BID: variants seen among roughly 807,000 people sequenced by gnomAD.
The protein encoded by BID is BH3-interacting domain death agonist.
A neutral mutation model predicts 17.4 loss-of-function variants in BID; 19 were observed. The ratio of observed to expected loss-of-function variants is 1.09; its 90% CI spans 0.76 to 1.60. BID has a LOEUF of 1.60. Among genes scored for constraint, BID ranks in the 40% most tolerant of loss-of-function variants. BID has a pLI of 0.00. For missense variants in BID, 226 were observed against 256.0 expected, an observed-to-expected ratio of 0.88 and a Z score of 0.80; for synonymous variants, 108 against 102.8, an observed-to-expected ratio of 1.05 and a Z score of -0.31.
chr22:17,747,069 G>C (rs1332097417), intron 2 of BID, among the ~76,000 whole-genome samples: 2 of 152,172 alleles, frequency 1.3e-5, no homozygotes, highest in Non-Finnish European at 2.9e-5. Context: ...AAAGACTCGA[G>C]GCGGCAGGGA....
chr22:17,764,134 A>G (rs1569052609), intron 1 of BID: 3 of 154,590 alleles, frequency 1.9e-5, no homozygotes, highest in Non-Finnish European at 4.4e-5. Context: ...TGGGAAAGCC[A>G]GCGGACCATG....
intron 5 of BID, among the ~76,000 whole-genome samples, chr22:17,736,895 C>G (rs1266668967): frequency 6.6e-6 from 1 of 152,094 alleles, no homozygotes; most frequent in Non-Finnish European, 1.5e-5. Context: ...CCTCTGCCAC[C>G]AGGGTTCAAG....
chr22:17,773,509 G>A lies in BID; in HGVS notation c.-59+872C>T. The A allele has an allele frequency of 8.2e-7, 1 of 1,225,646 alleles. No homozygotes were observed. The allele number at this position is 1,225,646 out of a possible 1,614,324, so 75.9% of individuals were successfully genotyped here. On this transcript the variant is annotated intron_variant, in intron 1 of 5. Transcript: ENST00000622694. This position sits in a 1 kb window ranked among gnomAD's most constrained non-coding sequence, Gnocchi z 4.4. The stretch of plus-strand genomic sequence containing the variant: ...AAGGGGGTGCAAGCCTGAGAAGGTG[G>A]AAGAGCTCTGGGTGGGTCCATCTGC...
chr22:17,735,199 G>GTAA lies in BID; in HGVS notation c.*378_*380dup, dbSNP rs1481066748. 2 of 223,126 alleles carry GTAA rather than the reference G, an allele frequency of 9.0e-6. No homozygotes were observed. Among genetic ancestry groups the GTAA allele is most frequent in the African/African-American group, 2.3e-5 (1 of 42,802 alleles). 13.8% of individuals were successfully genotyped at this position (223,126 alleles called of 1,614,324 possible). ...CTCTATGGTTGTACTTTAATAAACAGTAATTTTTTTTTACCAAAAAAATTG... is the reference window on the plus strand; with the variant it reads ...CTCTATGGTTGTACTTTAATAAACAGTAATAATTTTTTTTTACCAAAAAAATTG... On this transcript the variant is annotated 3_prime_UTR_variant, in exon 6 of 6. Transcript: ENST00000622694.
intron 2 of BID, among the ~76,000 whole-genome samples, chr22:17,748,563 G>A (rs979515873): frequency 7.2e-5 from 11 of 152,110 alleles, no homozygotes; most frequent in Admixed American, 2.0e-4. Flanking sequence ...AGTTATGATG[G>A]GAAAAAAGGC....
intron 2 of BID, among the ~76,000 whole-genome samples, chr22:17,745,382 A>G (rs1441262721): frequency 6.6e-6 from 1 of 152,098 alleles, no homozygotes. Context: ...AATTGTTTTA[A>G]TGCTTTGCTA....
intron 1 of BID, among the ~76,000 whole-genome samples, chr22:17,757,402 C>CCAA (rs2061599425): frequency 3.3e-5 from 2 of 61,046 alleles, no homozygotes; most frequent in Non-Finnish European, 5.4e-5. Context: ...GACCCTGTCC[C>CCAA]AAAAAAAAAA....
chr22:17,749,385 A>C (rs1409733525), intron 2 of BID, among the ~76,000 whole-genome samples: 1 of 152,202 alleles, frequency 6.6e-6, no homozygotes, highest in Non-Finnish European at 1.5e-5. Context: ...TATGTTGCCC[A>C]GGTTTGTCTC....
At chr22:17,764,713 C>CTT (rs1398323711) in intron 1 of BID, among the ~76,000 whole-genome samples, 11 of 152,170 alleles carry the variant, frequency 7.2e-5, no homozygotes, top group Non-Finnish European at 1.3e-4. Context: ...CAAAGGGGTA[C>CTT]AGTGACCCAG....
chr22:17,763,168 C>T (rs1175109277), intron 1 of BID, among the ~76,000 whole-genome samples: 1 of 151,900 alleles, frequency 6.6e-6, no homozygotes, highest in African/African-American at 2.4e-5. Flanking sequence ...TGAGAAACTT[C>T]GCCTGGCCAC....
intron 1 of BID, among the ~76,000 whole-genome samples, 157 bp downstream of exon 1, chr22:17,774,224 C>T (rs1390717679): frequency 6.6e-6 from 1 of 151,338 alleles, no homozygotes; most frequent in Non-Finnish European, 1.5e-5. Flanking sequence ...CTGCTGAGGC[C>T]TGGGGCTCTG....
chr22:17,753,768 T>C (rs895264957), intron 1 of BID, among the ~76,000 whole-genome samples: 1 of 152,234 alleles, frequency 6.6e-6, no homozygotes, highest in South Asian at 2.1e-4. Context: ...GCCAGGCAGA[T>C]GGGAAACGGG....
chr22:17,747,087 G>A (rs1350952077), intron 2 of BID, among the ~76,000 whole-genome samples: 7 of 152,272 alleles, frequency 4.6e-5, no homozygotes, highest in Admixed American at 4.6e-4. Context: ...GGAGGGAGAG[G>A]AAAGAATGGC....
rs574810666 is a variant in BID at position 17,772,992 on chromosome 22, C to T, written c.-59+1389G>A. Among the ~76,000 whole-genome samples, 3 of 152,320 alleles carry T rather than the reference C, an allele frequency of 2.0e-5. No homozygotes were observed. The East Asian group carries it at 5.8e-4, about 29-fold the overall frequency. ...TCGCCCCAGCCACGGCAGGTCTCTG[C>T]ACCCCTCGTCTCAGTCACCACTCTC... On this transcript the variant is annotated intron_variant, in intron 1 of 5. Transcript: ENST00000622694.
chr22:17,763,743 T>A (rs533334885), intron 1 of BID, among the ~76,000 whole-genome samples: 3 of 151,062 alleles, frequency 2.0e-5, no homozygotes, highest in Non-Finnish European at 4.4e-5. Flanking sequence ...AACCATTTAT[T>A]AGAACCAATA....
At chr22:17,746,230 C>T (rs1402671306) in intron 2 of BID, among the ~76,000 whole-genome samples, 3 of 122,446 alleles carry the variant, frequency 2.5e-5, no homozygotes, top group African/African-American at 3.3e-5. Flanking sequence ...AGTAGGGAGG[C>T]GGGGGCGGGG....
At chr22:17,756,932 G>C (rs185832787) in intron 1 of BID, among the ~76,000 whole-genome samples, 11 of 149,414 alleles carry the variant, frequency 7.4e-5, no homozygotes, top group African/African-American at 2.7e-4. Flanking sequence ...CCATTACATG[G>C]TGCAGTGAGA....
intron 1 of BID, among the ~76,000 whole-genome samples, chr22:17,757,240 C>G (rs1339724666): frequency 6.6e-6 from 1 of 151,522 alleles, no homozygotes. Flanking sequence ...TCTGGTGAAA[C>G]CCAGTCTCTA....
chr22:17,759,241 C>CAAAAAAAAAA (rs1555906713), intron 1 of BID, among the ~76,000 whole-genome samples: 2 of 97,082 alleles, frequency 2.1e-5, no homozygotes, highest in African/African-American at 1.0e-4. Flanking sequence ...AAACAAAAAA[C>CAAAAAAAAAA]AAAACAAAAA....
Sources: allele counts gnomAD v4.1 joint callset (sites outside exome capture counted in the v4.1 genomes callset), GRCh38; gene constraint gnomAD v4.1.1; non-coding constraint Gnocchi (gnomAD v3.1); transcripts MANE v1.5; gene names NCBI Gene and HGNC (gene_info 2026-07-23, HGNC 2026-07-21).